The following FABP7 variants were observed in gnomAD, a reference collection of about 807,000 sequenced individuals.
FABP7 encodes the protein fatty acid binding protein 7, also known as fatty acid-binding protein, brain.
FABP7 carries 13 observed loss-of-function variants against 14.2 expected under a neutral mutation model. That is an observed-to-expected ratio of 0.91 (90% CI 0.59 to 1.45). FABP7 has a LOEUF of 1.45. FABP7 is among the 40% of genes most tolerant of loss of function. The pLI, the probability that FABP7 is intolerant of heterozygous loss-of-function variation, is 0.00. For synonymous variants in FABP7, 49 were observed against 51.4 expected (o/e 0.95, Z 0.20); for missense variants, 149 against 157.6 (o/e 0.95, Z 0.29).
At chr6:122,755,549 G>T in the FABP7 span, among the ~76,000 whole-genome samples, 1 of 150,674 alleles carries the variant, frequency 6.6e-6, no homozygotes, top group Non-Finnish European at 1.5e-5. Flanking sequence ...TGCCTCCCGG[G>T]TTCACGCCAT....
At chr6:122,756,841 C>T in the FABP7 span, among the ~76,000 whole-genome samples, 1 of 152,210 alleles carries the variant, frequency 6.6e-6, no homozygotes, top group African/African-American at 2.4e-5. Context: ...TAGAGCGCTT[C>T]TTCCTTTGGC....
the FABP7 span, among the ~76,000 whole-genome samples, chr6:122,766,779 A>C: frequency 6.6e-6 from 1 of 152,118 alleles, no homozygotes; most frequent in Non-Finnish European, 1.5e-5. Context: ...ACTGAATTGA[A>C]GTCCTCAGTG....
intron 2 of FABP7, among the ~76,000 whole-genome samples, 172 bp from the exon 3 acceptor site, chr6:122,780,921 T>G (rs975220868): frequency 6.6e-6 from 1 of 152,210 alleles, no homozygotes; most frequent in Non-Finnish European, 1.5e-5. Context: ...AATCAAATTA[T>G]GAATTCAAAT....
chr6:122,760,943 A>C, the FABP7 span, among the ~76,000 whole-genome samples: 1 of 152,172 alleles, frequency 6.6e-6, no homozygotes, highest in Non-Finnish European at 1.5e-5. Context: ...TTAACTAATC[A>C]GATTTTTATT....
At chr6:122,756,051 G>C in the FABP7 span, among the ~76,000 whole-genome samples, 2 of 152,096 alleles carry the variant, frequency 1.3e-5, no homozygotes. Context: ...CCCCTCCTCC[G>C]GGGATAGAGC....
At chr6:122,765,789 C>T in the FABP7 span, among the ~76,000 whole-genome samples, 50 of 152,042 alleles carry the variant, frequency 3.3e-4, no homozygotes, top group East Asian at 9.5e-3. Flanking sequence ...AATCCTTGCT[C>T]CTGTGTCATA....
At chr6:122,758,088 T>C in the FABP7 span, among the ~76,000 whole-genome samples, 1 of 149,176 alleles carries the variant, frequency 6.7e-6, no homozygotes, top group Non-Finnish European at 1.5e-5. Context: ...AGTAAATTTG[T>C]GAATTATATT....
the FABP7 span, among the ~76,000 whole-genome samples, chr6:122,756,664 C>T: frequency 6.6e-6 from 1 of 152,184 alleles, no homozygotes; most frequent in Non-Finnish European, 1.5e-5. Flanking sequence ...GTCGATAATA[C>T]ATCCCGTTTG....
the FABP7 span, among the ~76,000 whole-genome samples, chr6:122,763,368 C>T: frequency 6.6e-6 from 1 of 152,152 alleles, no homozygotes; most frequent in African/African-American, 2.4e-5. Flanking sequence ...CCCTTCCTTA[C>T]ACCTTATACA....
the FABP7 span, among the ~76,000 whole-genome samples, chr6:122,766,055 T>C: frequency 6.6e-6 from 1 of 152,186 alleles, no homozygotes; most frequent in South Asian, 2.1e-4. Context: ...TTTTTTTCTT[T>C]CCCTCAACAT....
chr6:122,770,910 A>G, the FABP7 span, among the ~76,000 whole-genome samples: 4 of 152,304 alleles, frequency 2.6e-5, no homozygotes, highest in African/African-American at 9.6e-5. Context: ...CAGTATTTCC[A>G]AACTTCCCTA....
the FABP7 span, among the ~76,000 whole-genome samples, chr6:122,768,065 A>G: frequency 6.6e-6 from 1 of 152,148 alleles, no homozygotes; most frequent in East Asian, 1.9e-4. Flanking sequence ...TGGGCAGGAG[A>G]ACAGACATTT....
upstream of FABP7, among the ~76,000 whole-genome samples, chr6:122,776,950 C>T (rs529927305): frequency 3.3e-5 from 5 of 152,206 alleles, no homozygotes; most frequent in South Asian, 1.0e-3. Flanking sequence ...GTGGGGCTTT[C>T]ATGTTTTTGA....
At chr6:122,775,623 T>A (rs1368323908), upstream of FABP7, among the ~76,000 whole-genome samples, 2 of 151,486 alleles carry the variant, frequency 1.3e-5, no homozygotes, top group African/African-American at 4.8e-5. Context: ...TAGTAAGACC[T>A]CAAATGCACA....
upstream of FABP7, among the ~76,000 whole-genome samples, chr6:122,777,412 T>C (rs992493929): frequency 2.0e-5 from 3 of 152,064 alleles, no homozygotes; most frequent in Non-Finnish European, 4.4e-5. Context: ...AAAAAAACCC[T>C]TAAAACCTGA....
chr6:122,762,133 A>T, the FABP7 span, among the ~76,000 whole-genome samples: 1 of 152,216 alleles, frequency 6.6e-6, no homozygotes, highest in East Asian at 1.9e-4. Context: ...CTGATGCAAA[A>T]ATCCTCAATA....
At chr6:122,767,726 C>T in the FABP7 span, among the ~76,000 whole-genome samples, 1 of 104,404 alleles carries the variant, frequency 9.6e-6, no homozygotes, top group African/African-American at 3.8e-5. Flanking sequence ...GCCTGGGCAA[C>T]ATAGCAAGAC....
the FABP7 span, among the ~76,000 whole-genome samples, chr6:122,773,960 C>T: frequency 6.6e-6 from 1 of 151,640 alleles, no homozygotes; most frequent in African/African-American, 2.4e-5. Context: ...ATAAAGGTAA[C>T]AACTCTGAGT....
At chr6:122,783,496 C>T in intron 3 of FABP7, 2 of 985,442 alleles carry the variant, frequency 2.0e-6, no homozygotes, top group Non-Finnish European at 2.4e-6. Context: ...TGACTTGAAT[C>T]TAAAGTGCTA....
Sources: allele counts gnomAD v4.1 joint callset (sites outside exome capture counted in the v4.1 genomes callset), GRCh38; gene constraint gnomAD v4.1.1; transcripts MANE v1.5; gene names NCBI Gene and HGNC (gene_info 2026-07-23, HGNC 2026-07-21).